The following SUGP1 variants were observed in gnomAD, a reference collection of about 807,000 sequenced individuals.
SUGP1 encodes the protein SURP and G-patch domain-containing protein 1.
Under a neutral mutation model 76.5 loss-of-function variants are expected in SUGP1, and 34 were observed. The observed-to-expected ratio is 0.44, with a 90% CI of 0.34 to 0.59. The LOEUF (loss-of-function observed/expected upper bound fraction) is 0.59. Ranked by LOEUF, SUGP1 falls within the 20% of genes least tolerant of loss-of-function variation. SUGP1 has a pLI of 0.01. For synonymous variants in SUGP1, 326 were observed against 326.2 expected (o/e 1.00, Z 0.01); for missense variants, 752 against 851.7 (o/e 0.88, Z 1.46).
At position 19,294,046 on chromosome 19, in the gene SUGP1, G is replaced by T. The variant is rs112336339; in HGVS notation, c.1243+2943C>A. Among the ~76,000 whole-genome samples the T allele has an allele frequency of 1.1e-4, 16 of 152,174 alleles. 1 individual carries two copies. Among genetic ancestry groups the T allele is most frequent in the African/African-American group, 3.9e-4 (16 of 41,516 alleles). ...CACAAAAAATGCAAAGATTAGCCAG[G>T]CATGGAAGAGCATGTCTGTAGTCCC... On this transcript the variant is annotated intron_variant, in intron 8 of 13. Coordinates refer to ENST00000247001, the MANE Select transcript of SUGP1 (RefSeq NM_172231.4).
intron 8 of SUGP1, among the ~76,000 whole-genome samples, chr19:19,282,597 G>A (rs912415890): frequency 1.3e-5 from 2 of 152,006 alleles, no homozygotes; most frequent in African/African-American, 2.4e-5. Flanking sequence ...AGATGCTACC[G>A]CCTACTGCAC....
At chr19:19,285,136 G>A (rs1482032720) in intron 8 of SUGP1, among the ~76,000 whole-genome samples, 1 of 151,968 alleles carries the variant, frequency 6.6e-6, no homozygotes, top group East Asian at 1.9e-4. Flanking sequence ...CAAAGTGCTG[G>A]GATTACAGGC....
At chr19:19,287,683 C>G (rs540551044) in intron 8 of SUGP1, among the ~76,000 whole-genome samples, 1 of 151,970 alleles carries the variant, frequency 6.6e-6, no homozygotes, top group East Asian at 1.9e-4. Context: ...AGGAAGAAGC[C>G]GGAGAAGCGG....
At chr19:19,278,612 G>T in intron 11 of SUGP1, 78 bp downstream of exon 11, 1 of 1,289,578 alleles carries the variant, frequency 7.8e-7, no homozygotes, top group Non-Finnish European at 1.1e-6. Context: ...AGGCTACTTT[G>T]GGCACCTGCA....
intron 4 of SUGP1, chr19:19,304,059 G>GT: frequency 6.5e-7 from 1 of 1,549,580 alleles, no homozygotes; most frequent in Non-Finnish European, 8.7e-7. Context: ...TGGGAGAGAA[G>GT]TGTGTGAGGC....
In SUGP1 at chr19:19,311,061, T is replaced by A. The variant is rs540707886; in HGVS notation, c.207-861A>T. Among the ~76,000 whole-genome samples, 16 of 151,688 alleles carry A rather than the reference T, an allele frequency of 1.1e-4. No individual in the cohort carries two copies. The East Asian group carries it at 3.1e-3, about 29-fold the overall frequency. Reference sequence around the variant, plus strand: ...TGCCTGGCTAATTTTTTAATTTTTTTTTTTTTTTTTGGTAGAGGTAACATC... The same window carrying A: ...TGCCTGGCTAATTTTTTAATTTTTTATTTTTTTTTTGGTAGAGGTAACATC... On this transcript the variant is annotated intron_variant, in intron 2 of 13. Coordinates refer to ENST00000247001, the MANE Select transcript of SUGP1 (RefSeq NM_172231.4).
intron 8 of SUGP1, among the ~76,000 whole-genome samples, chr19:19,289,185 G>C (rs1040998598): frequency 2.0e-5 from 3 of 152,150 alleles, no homozygotes; most frequent in African/African-American, 7.2e-5. Flanking sequence ...AACCTGTAAA[G>C]TAACACAGTA....
At chr19:19,276,763 G>A in intron 13 of SUGP1, 89 bp from the exon 14 acceptor site, 1 of 1,596,028 alleles carries the variant, frequency 6.3e-7, no homozygotes, top group Non-Finnish European at 8.6e-7. Context: ...AGGCAGCTGA[G>A]CCCGCACCCT....
chr19:19,296,087 C>T (rs1420265346), intron 8 of SUGP1, among the ~76,000 whole-genome samples: 1 of 152,110 alleles, frequency 6.6e-6, no homozygotes, highest in East Asian at 1.9e-4. Context: ...GAGGCCGAGG[C>T]AGGAGGATCA....
chr19:19,315,833 TTTTTTG>T (rs1459090897), intron 2 of SUGP1, among the ~76,000 whole-genome samples: 1 of 151,768 alleles, frequency 6.6e-6, no homozygotes, highest in African/African-American at 2.4e-5. Flanking sequence ...GCAGAGGTTT[TTTTTTG>T]TTTTTTTTTT....
intron 8 of SUGP1, among the ~76,000 whole-genome samples, chr19:19,291,162 C>T (rs893065794): frequency 1.3e-5 from 2 of 151,990 alleles, no homozygotes; most frequent in Non-Finnish European, 2.9e-5. Context: ...GATCTAAAAC[C>T]AATAACCTAA....
At chr19:19,314,924 C>A (rs2061381474) in intron 2 of SUGP1, among the ~76,000 whole-genome samples, 1 of 152,192 alleles carries the variant, frequency 6.6e-6, no homozygotes, top group South Asian at 2.1e-4. Flanking sequence ...ATCCCAGCTA[C>A]TTGGGAGGCT....
rs2061278798 is a variant in SUGP1 at position 19,302,352 on chromosome 19, G to T, written c.800C>A (p.Ala267Glu). 2 of 1,614,078 alleles carry T rather than the reference G, an allele frequency of 1.2e-6. No homozygotes were observed. Among genetic ancestry groups the T allele is most frequent in the African/African-American group, 1.3e-5 (1 of 74,924 alleles). ...PPEDEEVKNLAEKLARFIADG... is the reference protein window; with the variant it reads ...PPEDEEVKNLEEKLARFIADG... Reference sequence around the variant, plus strand: ...CGCTATGAACCTGGCCAACTTTTCTGCAAGGTTCTTGACCTCTTCGTCCTC... The same window carrying T: ...CGCTATGAACCTGGCCAACTTTTCTTCAAGGTTCTTGACCTCTTCGTCCTC... The change falls in exon 7 of 14, where the codon GCA becomes GAA. Residue 267 changes from alanine to glutamate, a missense_variant. Physicochemically the swap from Ala to Glu is moderately radical, Grantham distance 107. Transcript: ENST00000247001.
intron 7 of SUGP1, 75 bp from the exon 8 acceptor site, chr19:19,297,419 C>CTGGCCTTCTGGGCAGGAGCAGTTA: frequency 1.5e-6 from 2 of 1,323,486 alleles, no homozygotes; most frequent in Non-Finnish European, 2.0e-6. Flanking sequence ...AGGAGCAGTT[C>CTGGCCTTCTGGGCAGGAGCAGTTA]TGGCCTTGTG....
At position 19,279,268 on chromosome 19, in the gene SUGP1, G is replaced by A. The variant is rs779486894; in HGVS notation, c.1473C>T (p.Ser491=). Residue 491 remains serine, a synonymous_variant, in exon 10 of 14, where the codon AGC becomes AGT. Coordinates refer to ENST00000247001, the MANE Select transcript of SUGP1 (RefSeq NM_172231.4). ...HGYDSDEEVD[S]ELGTWEHQLR... The stretch of plus-strand genomic sequence containing the variant: ...GCTGGTGCTCCCAGGTGCCCAGCTC[G>A]CTGTCCACCTCCTCATCACTGTCAT... The A allele has an allele frequency of 2.2e-5, 36 of 1,610,130 alleles. No individual in the cohort carries two copies. The highest frequency in any genetic ancestry group is 4.5e-5 in the East Asian group (2 of 44,814).
chr19:19,283,449 TTTCC>T (rs1224080169), intron 8 of SUGP1, among the ~76,000 whole-genome samples: 2 of 150,998 alleles, frequency 1.3e-5, no homozygotes, highest in East Asian at 3.9e-4. Context: ...AGTTTTTTTT[TTTCC>T]TTCTTTTTTT....
intron 8 of SUGP1, chr19:19,280,705 AAC>A: frequency 5.3e-6 from 1 of 189,780 alleles, no homozygotes; most frequent in Non-Finnish European, 1.1e-5. Flanking sequence ...CTCCGTTGCT[AAC>A]AGACACCAGG....
At chr19:19,276,721 G>C (rs774938122) in intron 13 of SUGP1, 47 bp from the exon 14 acceptor site, 1 of 1,613,412 alleles carries the variant, frequency 6.2e-7, no homozygotes, top group Non-Finnish European at 8.5e-7. Flanking sequence ...TAGCACTAAA[G>C]ACAGCAGTTC....
At chr19:19,276,824 G>A (rs1226852032) in intron 13 of SUGP1, 123 bp downstream of exon 13, 6 of 1,540,116 alleles carry the variant, frequency 3.9e-6, no homozygotes, top group Admixed American at 1.8e-5. Context: ...AATGCAGGTG[G>A]GTGGTAGGGG....
Sources: allele counts gnomAD v4.1 joint callset (sites outside exome capture counted in the v4.1 genomes callset), GRCh38; gene constraint gnomAD v4.1.1; transcripts MANE v1.5; gene names NCBI Gene and HGNC (gene_info 2026-07-23, HGNC 2026-07-21).